PHLDA3: variants seen among roughly 807,000 people sequenced by gnomAD.
PHLDA3 encodes pleckstrin homology like domain family A member 3.
A neutral mutation model predicts 7.6 loss-of-function variants in PHLDA3; 12 were observed. The ratio of observed to expected loss-of-function variants is 1.58; its 90% CI spans 1.01 to 2.55. The LOEUF (loss-of-function observed/expected upper bound fraction) is 2.55, where lower values mean the gene tolerates loss of function less well. PHLDA3 is among the 30% of genes most tolerant of loss of function. PHLDA3 has a pLI of 0.00. For synonymous variants in PHLDA3, 104 were observed against 85.1 expected (o/e 1.22, Z -1.23); for missense variants, 177 against 175.6 (o/e 1.01, Z -0.05).
rs1208613332 is a variant in PHLDA3 at position 201,465,558 on chromosome 1, C to T, written c.*683G>A. On this transcript the variant is annotated 3_prime_UTR_variant, in exon 2 of 2. Transcript: ENST00000367311. ...AAGACATGAAATGCTAATGGCCAAACCCCCCCTCACCCCCACCACCTTCAG... is the reference window on the plus strand; with the variant it reads ...AAGACATGAAATGCTAATGGCCAAATCCCCCCTCACCCCCACCACCTTCAG... The T allele has an allele frequency of 1.3e-5, 2 of 154,914 alleles. No individual in the cohort carries two copies. Among genetic ancestry groups the T allele is most frequent in the Non-Finnish European group, 2.9e-5 (2 of 68,310 alleles). The allele number at this position is 154,914 out of a possible 1,614,324, so 9.6% of individuals were successfully genotyped here.
chr1:201,468,284 T>C (rs911452972), intron 1 of PHLDA3, 57 bp downstream of exon 1: 7 of 1,139,746 alleles, frequency 6.1e-6, no homozygotes, highest in Admixed American at 2.3e-5. Context: ...ATTCTCTCTG[T>C]AGGGGAAAGA....
chr1:201,465,902 G>A lies in PHLDA3; in HGVS notation c.*339C>T, dbSNP rs1156321131. On this transcript the variant is annotated 3_prime_UTR_variant, in exon 2 of 2. Coordinates refer to ENST00000367311, the MANE Select transcript of PHLDA3 (RefSeq NM_012396.5). ...GGGGCTAAGAGCAGTCTGCAGGACA[G>A]AGGGCAGGACCACAGCAGGGAGGGG... is the stretch of plus-strand genomic sequence containing the variant. 1.3e-5 allele frequency: 2 copies of A among 154,116 alleles called. No individual in the cohort carries two copies. Among genetic ancestry groups the A allele is most frequent in the Non-Finnish European group, 2.9e-5 (2 of 68,368 alleles). 9.5% of individuals were successfully genotyped at this position (154,116 alleles called of 1,614,324 possible). A position where few individuals can be genotyped will look rare whatever the true frequency, so the allele number is the denominator to read the frequency against.
rs956738926 is a variant in PHLDA3 at position 201,464,397 on chromosome 1, T to G, written c.*1844A>C. The G allele has an allele frequency of 8.3e-6, 1 of 120,732 alleles. No individual in the cohort carries two copies. Among genetic ancestry groups the G allele is most frequent in the Non-Finnish European group, 1.7e-5 (1 of 59,746 alleles). The allele number at this position is 120,732 out of a possible 1,614,324, so 7.5% of individuals were successfully genotyped here. ...GTACAATTGGATACAGTAAGTGACA[T>G]ATTTATAAAAGTTCTGTTGTAATTA... On this transcript the variant is annotated 3_prime_UTR_variant, in exon 2 of 2. Transcript: ENST00000367311.
Position 201,468,754 on chromosome 1 carries a change from C to A in PHLDA3, c.33G>T (p.Lys11Asn). The A allele has an allele frequency of 6.3e-7, 1 of 1,586,428 alleles. No homozygotes were observed. The highest frequency in any genetic ancestry group is 2.3e-5 in the East Asian group (1 of 43,618). ...CGCTGCGCTTCTCCAGCACGCCCTC[C>A]TTGAGCACGGTAGCCGTCGCCGCCG... MTAAATATVL[K>N]EGVLEKRSGG... Residue 11 changes from lysine (K) to asparagine (N), a missense_variant, in exon 1 of 2, where the codon AAG becomes AAT. Physicochemically the swap from Lys to Asn is moderately conservative, Grantham distance 94 (BLOSUM62 0). Transcript: ENST00000367311.
Position 201,468,748 on chromosome 1 carries a change from G to C in PHLDA3, c.39C>G (p.Gly13=). The part of the protein sequence containing the change: ...AAATATVLKE[G]VLEKRSGGLL... The stretch of plus-strand genomic sequence containing the variant: ...GCCCGCCGCTGCGCTTCTCCAGCAC[G>C]CCCTCCTTGAGCACGGTAGCCGTCG... The change falls in exon 1 of 2, where the codon GGC becomes GGG. Residue 13 remains glycine (G), a synonymous_variant. Coordinates refer to ENST00000367311, the MANE Select transcript of PHLDA3 (RefSeq NM_012396.5). 1 of 1,590,754 alleles carries C rather than the reference G, an allele frequency of 6.3e-7. No homozygotes were observed. Among genetic ancestry groups the C allele is most frequent in the Non-Finnish European group, 8.5e-7 (1 of 1,174,396 alleles).
rs1663657058 is a variant in PHLDA3 at position 201,466,018 on chromosome 1, T to A, written c.*223A>T. The A allele has an allele frequency of 6.5e-6, 1 of 154,918 alleles. No homozygotes were observed. The highest frequency in any genetic ancestry group is 2.4e-5 in the African/African-American group (1 of 41,510). The allele number at this position is 154,918 out of a possible 1,614,324, so 9.6% of individuals were successfully genotyped here. ...GGCATGTCCTGAGAGTCTGGGACCA[T>A]CCAGGGGCTGCATCTTCATCCTCAG... On this transcript the variant is annotated 3_prime_UTR_variant, in exon 2 of 2. Transcript: ENST00000367311.
chr1:201,465,608 AT>A lies in PHLDA3; in HGVS notation c.*632del, dbSNP rs1256419743. The A allele has an allele frequency of 6.5e-6, 1 of 155,016 alleles. No individual in the cohort carries two copies. The highest frequency in any genetic ancestry group is 1.9e-4 in the East Asian group (1 of 5,188). The allele number at this position is 155,016 out of a possible 1,614,324, so 9.6% of individuals were successfully genotyped here. A position where few individuals can be genotyped will look rare whatever the true frequency, so the allele number is the denominator to read the frequency against. ...GGCCGAACACCGCAGTGGGGGGAAG[AT>A]GCGTAGAGGTGGGGGAAGAAGTGTG... On this transcript the variant is annotated 3_prime_UTR_variant, in exon 2 of 2. Transcript: ENST00000367311.
chr1:201,465,560 C>T lies in PHLDA3; in HGVS notation c.*681G>A, dbSNP rs1663639511. On this transcript the variant is annotated 3_prime_UTR_variant, in exon 2 of 2. Transcript: ENST00000367311. ...GACATGAAATGCTAATGGCCAAACC[C>T]CCCCTCACCCCCACCACCTTCAGGC... The T allele has an allele frequency of 6.5e-6, 1 of 154,986 alleles. No individual in the cohort carries two copies. The highest frequency in any genetic ancestry group is 6.5e-5 in the Admixed American group (1 of 15,302). 9.6% of individuals were successfully genotyped at this position (154,986 alleles called of 1,614,324 possible).
At chr1:201,466,340 C>G (rs1255463994) in intron 1 of PHLDA3, 162 bp from the exon 2 acceptor site, 1 of 152,206 alleles carries the variant, frequency 6.6e-6, no homozygotes, top group African/African-American at 2.4e-5. Flanking sequence ...TCCTCCCAGG[C>G]CCCCAAGACC....
At position 201,468,062 on chromosome 1, in the gene PHLDA3, A is replaced by T. The variant is rs116489041; in HGVS notation, c.*62+279T>A. 7.2e-3 allele frequency among the ~76,000 whole-genome samples: 1,102 copies of T among 152,294 alleles called. 10 individuals carry two copies. Among genetic ancestry groups the T allele is most frequent in the South Asian group, 0.037 (178 of 4,828 alleles). On this transcript the variant is annotated intron_variant, in intron 1 of 1. Coordinates refer to ENST00000367311, the MANE Select transcript of PHLDA3 (RefSeq NM_012396.5). ...CCTGAGTCAGGGCTGAACCAACTTGAAAGAAGGCTCATCTCACCCAGGTAT... is the reference window on the plus strand; with the variant it reads ...CCTGAGTCAGGGCTGAACCAACTTGTAAGAAGGCTCATCTCACCCAGGTAT...
chr1:201,466,748 A>C (rs1663673920), intron 1 of PHLDA3: 1 of 149,476 alleles, frequency 6.7e-6, no homozygotes. Flanking sequence ...TCCGCCCCCC[A>C]CTCCCTGCCC....
rs987083531 is a variant in PHLDA3 at position 201,465,654 on chromosome 1, G to C, written c.*587C>G. The C allele has an allele frequency of 1.3e-5, 2 of 155,044 alleles. No homozygotes were observed. Among genetic ancestry groups the C allele is most frequent in the Non-Finnish European group, 2.9e-5 (2 of 68,392 alleles). 9.6% of individuals were successfully genotyped at this position (155,044 alleles called of 1,614,324 possible). On this transcript the variant is annotated 3_prime_UTR_variant, in exon 2 of 2. Transcript: ENST00000367311. ...AGTGTGCAAAGAAAGGGCCTGGATG[G>C]GTGGGGGTCCCAAAAGGACCTAAGC...
Position 201,469,080 on chromosome 1 carries a change from C to T in PHLDA3, c.-294G>A, listed in dbSNP as rs1240198242. On this transcript the variant is annotated 5_prime_UTR_variant, in exon 1 of 2. Coordinates refer to ENST00000367311, the MANE Select transcript of PHLDA3 (RefSeq NM_012396.5). ...CCTCTGCCAGATGCCTCCGCGCCTC[C>T]CTAGGCCGTGAGCCCCACCGCCCGC... The T allele has an allele frequency of 6.0e-6, 2 of 332,802 alleles. No homozygotes were observed. The highest frequency in any genetic ancestry group is 4.4e-5 in the African/African-American group (2 of 45,918). 20.6% of individuals were successfully genotyped at this position (332,802 alleles called of 1,614,324 possible). A position where few individuals can be genotyped will look rare whatever the true frequency, so the allele number is the denominator to read the frequency against.
intron 1 of PHLDA3, 54 bp downstream of exon 1, chr1:201,468,287 G>C: frequency 8.5e-7 from 1 of 1,175,942 alleles, no homozygotes. Flanking sequence ...CTCTCTGTAG[G>C]GGAAAGAGAA....
Position 201,468,931 on chromosome 1 carries a change from G to A in PHLDA3, c.-145C>T. 1.1e-6 allele frequency: 1 copy of A among 877,026 alleles called. No homozygotes were observed. The highest frequency in any genetic ancestry group is 3.8e-4 in the Middle Eastern group (1 of 2,644). The allele number at this position is 877,026 out of a possible 1,614,324, so 54.3% of individuals were successfully genotyped here. On this transcript the variant is annotated 5_prime_UTR_variant, in exon 1 of 2. Transcript: ENST00000367311. ...CCTGACTGCTCCGCGCACCCACACC[G>A]CGGCCCTCAGCACCCGGCTGCCGGT...
chr1:201,467,116 G>A (rs1663681838), intron 1 of PHLDA3, among the ~76,000 whole-genome samples: 1 of 152,022 alleles, frequency 6.6e-6, no homozygotes, highest in Non-Finnish European at 1.5e-5. Context: ...TTCGAAACCA[G>A]CATGGGCAAC....
rs1663724555 is a variant in PHLDA3, at chr1:201,468,347, T to C, written c.*56A>G. On this transcript the variant is annotated 3_prime_UTR_variant, in exon 1 of 2. Transcript: ENST00000367311. ...CAGTCCCCCGGGGGCTTACCTGCCTTGACCTCAGCACTGAGGTGGTGGGTA... is the reference window on the plus strand; with the variant it reads ...CAGTCCCCCGGGGGCTTACCTGCCTCGACCTCAGCACTGAGGTGGTGGGTA... 6.3e-7 allele frequency: 1 copy of C among 1,595,676 alleles called. No homozygotes were observed.
intron 1 of PHLDA3, among the ~76,000 whole-genome samples, chr1:201,467,876 C>A (rs529438800): frequency 3.3e-5 from 5 of 152,220 alleles, no homozygotes; most frequent in African/African-American, 4.8e-5. Context: ...GACAAGCATT[C>A]AACCTAGAGG....
rs201117567 is a variant in PHLDA3, at chr1:201,468,412, G to A, written c.375C>T (p.Leu125=). 1 of 1,613,786 alleles carries A rather than the reference G, an allele frequency of 6.2e-7. No homozygotes were observed. The highest frequency in any genetic ancestry group is 8.5e-7 in the Non-Finnish European group (1 of 1,179,934). The part of the protein sequence containing the change: ...RARQSLGTGT[L]VS ...TGGTGCGCCCGGTGGTTTAGGACAC[G>A]AGGGTCCCGGTCCCGAGGCTCTGCC... The change falls in exon 1 of 2, where the codon CTC becomes CTT. Residue 125 remains leucine (L), a synonymous_variant. Transcript: ENST00000367311.
Sources: gnomAD v4.1 joint callset for allele counts (sites outside exome capture counted in the v4.1 genomes callset) on GRCh38, gnomAD v4.1.1 for gene constraint, MANE v1.5 for transcripts, NCBI Gene and HGNC (gene_info 2026-07-23, HGNC 2026-07-21) for gene names.